SEL1L3: variants seen among roughly 807,000 people sequenced by gnomAD.
SEL1L3 encodes protein sel-1 homolog 3.
A neutral mutation model predicts 142.8 loss-of-function variants in SEL1L3; 76 were observed. The ratio of observed to expected loss-of-function variants is 0.53; its 90% CI spans 0.44 to 0.64. SEL1L3 has a LOEUF of 0.64. Ranked by LOEUF, SEL1L3 falls within the 30% of genes least tolerant of loss-of-function variation. The pLI is 0.00. For missense variants in SEL1L3, 1,262 were observed against 1,381.7 expected, an observed-to-expected ratio of 0.91 and a Z score of 1.37; for synonymous variants, 504 against 519.6, an observed-to-expected ratio of 0.97 and a Z score of 0.41.
At chr4:25,757,126 G>A (rs780585672) in intron 23 of SEL1L3, among the ~76,000 whole-genome samples, 4 of 151,614 alleles carry the variant, frequency 2.6e-5, no homozygotes, top group Non-Finnish European at 5.9e-5. Context: ...AAATTAGCCG[G>A]GTGTGGTGGC....
At chr4:25,768,300 C>T (rs1441865845) in intron 17 of SEL1L3, among the ~76,000 whole-genome samples, 1 of 152,156 alleles carries the variant, frequency 6.6e-6, no homozygotes, top group Non-Finnish European at 1.5e-5. Context: ...AAAGGCAGTT[C>T]ACAAGGGAGT....
chr4:25,811,234 C>T (rs191962989), intron 9 of SEL1L3, among the ~76,000 whole-genome samples: 3 of 152,272 alleles, frequency 2.0e-5, no homozygotes, highest in South Asian at 2.1e-4. Context: ...AGAACTATGA[C>T]GGCTACATTT....
At position 25,779,158 on chromosome 4, in the gene SEL1L3, T is replaced by G; in HGVS notation, c.2503A>C (p.Met835Leu). 6.2e-7 allele frequency: 1 copy of G among 1,613,708 alleles called. No homozygotes were observed. Among genetic ancestry groups the G allele is most frequent in the Middle Eastern group, 1.7e-4 (1 of 6,056 alleles). ...AGAGAACACCACAAGGTCCCTTCCA[T>G]GTGTCCACCTTGCGCAGCCTTATGG... The part of the protein sequence containing the change: ...YFHKAAQGGH[M>L]EGTLWCSLYY... Residue 835 changes from methionine to leucine, a missense_variant, in exon 16 of 24, where the codon ATG (methionine) becomes CTG (leucine). Met to Leu is a conservative substitution (Grantham distance 15). Transcript: ENST00000399878.
the SEL1L3 span, among the ~76,000 whole-genome samples, chr4:25,721,298 A>C: frequency 6.6e-6 from 1 of 152,048 alleles, no homozygotes; most frequent in Non-Finnish European, 1.5e-5. Context: ...GGTGCGGATT[A>C]ACCCAGCTGT....
At chr4:25,785,739 T>C (rs1711773833) in intron 13 of SEL1L3, among the ~76,000 whole-genome samples, 1 of 152,174 alleles carries the variant, frequency 6.6e-6, no homozygotes, top group African/African-American at 2.4e-5. Context: ...GGAGACAAGC[T>C]TTCTGGACTT....
intron 11 of SEL1L3, among the ~76,000 whole-genome samples, chr4:25,796,833 T>A: frequency 6.8e-6 from 1 of 146,302 alleles, no homozygotes. Flanking sequence ...TGTTGGAAAA[T>A]ATTTCCTTTC....
At chr4:25,802,187 T>C (rs1024737240) in intron 11 of SEL1L3, 96 bp downstream of exon 11, 2 of 1,114,824 alleles carry the variant, frequency 1.8e-6, no homozygotes, top group South Asian at 3.1e-5. Flanking sequence ...GTTCAACCTC[T>C]GAAGGCCAAC....
At chr4:25,849,064 G>A (rs548153442) in intron 1 of SEL1L3, among the ~76,000 whole-genome samples, 2 of 152,230 alleles carry the variant, frequency 1.3e-5, no homozygotes, top group African/African-American at 4.8e-5. Flanking sequence ...ACTTGAACCC[G>A]GGAGGTGGAG....
chr4:25,719,763 G>A, the SEL1L3 span: 1 of 152,150 alleles, frequency 6.6e-6, no homozygotes, highest in African/African-American at 2.4e-5. Flanking sequence ...AACAGATTTT[G>A]TACATAATCT....
At chr4:25,755,395 G>A (rs1168616986) in intron 23 of SEL1L3, among the ~76,000 whole-genome samples, 7 of 152,152 alleles carry the variant, frequency 4.6e-5, no homozygotes, top group South Asian at 2.1e-4. Context: ...AAGCCACTGC[G>A]TCTGGTCTCC....
the SEL1L3 span, among the ~76,000 whole-genome samples, chr4:25,731,012 C>G: frequency 6.6e-6 from 1 of 152,306 alleles, no homozygotes; most frequent in Admixed American, 6.5e-5. Context: ...GCCTGAGCAA[C>G]AGAGCGAGAC....
chr4:25,769,899 G>A (rs1372550811), intron 17 of SEL1L3, among the ~76,000 whole-genome samples: 1 of 152,172 alleles, frequency 6.6e-6, no homozygotes, highest in African/African-American at 2.4e-5. Context: ...AGGGTGAGGC[G>A]GGAAGATCGC....
At chr4:25,844,737 CTG>C (rs1036744369) in intron 2 of SEL1L3, among the ~76,000 whole-genome samples, 1 of 152,152 alleles carries the variant, frequency 6.6e-6, no homozygotes, top group Admixed American at 6.5e-5. Context: ...CAAATTGTGG[CTG>C]TGTGTGCCCC....
At chr4:25,789,584 CAAAAAAAA>C (rs55852462) in intron 12 of SEL1L3, among the ~76,000 whole-genome samples, 13 of 124,760 alleles carry the variant, frequency 1.0e-4, no homozygotes, top group African/African-American at 3.2e-4. Context: ...GACCCTGAAT[CAAAAAAAA>C]AAAAAAAAAA....
chr4:25,725,408 C>T, the SEL1L3 span, among the ~76,000 whole-genome samples: 16 of 151,760 alleles, frequency 1.1e-4, no homozygotes, highest in African/African-American at 2.9e-4. Context: ...CTCGGCCTCC[C>T]GGGATCAAGC....
intron 16 of SEL1L3, among the ~76,000 whole-genome samples, chr4:25,778,522 T>C (rs920756528): frequency 6.6e-6 from 1 of 152,172 alleles, no homozygotes; most frequent in African/African-American, 2.4e-5. Flanking sequence ...GTATACTACA[T>C]GGTTCAGTTA....
intron 1 of SEL1L3, chr4:25,861,810 T>C (rs1717726998): frequency 6.6e-6 from 1 of 152,106 alleles, no homozygotes; most frequent in Non-Finnish European, 1.5e-5. Context: ...TTTACTATTG[T>C]TTAGGAGAAC....
chr4:25,732,554 A>G, the SEL1L3 span, among the ~76,000 whole-genome samples: 2 of 152,238 alleles, frequency 1.3e-5, no homozygotes, highest in East Asian at 3.9e-4. Flanking sequence ...TGGTATCTCA[A>G]TGAGGTTTTA....
chr4:25,744,040 T>C (rs763408067), downstream of SEL1L3, among the ~76,000 whole-genome samples: 1 of 152,094 alleles, frequency 6.6e-6, no homozygotes, highest in Non-Finnish European at 1.5e-5. Flanking sequence ...AGGTGGGACA[T>C]GAATTGACAA....
Sources: gnomAD v4.1 joint callset for allele counts (sites outside exome capture counted in the v4.1 genomes callset) on GRCh38, gnomAD v4.1.1 for gene constraint, MANE v1.5 for transcripts, NCBI Gene and HGNC (gene_info 2026-07-23, HGNC 2026-07-21) for gene names.